The following ZNF385D variants were observed in gnomAD, a reference collection of about 807,000 sequenced individuals.
ZNF385D encodes zinc finger protein 385D.
Under a neutral mutation model 35.8 loss-of-function variants are expected in ZNF385D, and 15 were observed. The ratio of observed to expected loss-of-function variants is 0.42; its 90% confidence interval spans 0.28 to 0.64. The LOEUF (loss-of-function observed/expected upper bound fraction) is 0.64. Among genes scored for constraint, ZNF385D ranks in the 30% least tolerant of loss-of-function variants. The pLI, the probability that ZNF385D is intolerant of heterozygous loss-of-function variation, is 0.23. For missense variants in ZNF385D, 474 were observed against 494.6 expected, an observed-to-expected ratio of 0.96 and a Z score of 0.39; for synonymous variants, 212 against 186.8, an observed-to-expected ratio of 1.13 and a Z score of -1.10.
At chr3:21,985,006 A>G (rs1303364200) in intron 3 of ZNF385D, among the ~76,000 whole-genome samples, 1 of 151,314 alleles carries the variant, frequency 6.6e-6, no homozygotes, top group Non-Finnish European at 1.5e-5. Context: ...TGATTTTTGT[A>G]CATTGATTTT....
intron 3 of ZNF385D, among the ~76,000 whole-genome samples, chr3:22,068,005 C>T (rs556240247): frequency 3.7e-4 from 41 of 109,584 alleles, no homozygotes; most frequent in African/African-American, 2.2e-3. Context: ...GAGCAAGACT[C>T]CACTGGAAAA....
At chr3:22,062,946 A>T (rs573234677) in intron 3 of ZNF385D, among the ~76,000 whole-genome samples, 1 of 152,150 alleles carries the variant, frequency 6.6e-6, no homozygotes, top group African/African-American at 2.4e-5. Context: ...TGATGTCTCC[A>T]CTACAACAGA....
chr3:21,775,865 A>G (rs1053273824), intron 3 of ZNF385D, among the ~76,000 whole-genome samples: 5 of 151,802 alleles, frequency 3.3e-5, no homozygotes, highest in Admixed American at 1.3e-4. Context: ...TAAAATTAAG[A>G]CATGCTCTTT....
intron 1 of ZNF385D, among the ~76,000 whole-genome samples, chr3:21,720,805 T>A (rs2068508950): frequency 6.6e-6 from 1 of 152,218 alleles, no homozygotes; most frequent in African/African-American, 2.4e-5. Context: ...GCATTTAATT[T>A]AAAGACCTTC....
intron 1 of ZNF385D, among the ~76,000 whole-genome samples, chr3:21,699,763 C>T (rs2067605837): frequency 1.4e-5 from 2 of 147,516 alleles, no homozygotes; most frequent in Non-Finnish European, 1.5e-5. Context: ...AATATGACTA[C>T]AAGAAAATTT....
At chr3:21,871,814 T>TG (rs553323850) in intron 3 of ZNF385D, among the ~76,000 whole-genome samples, 328 of 152,134 alleles carry the variant, frequency 2.2e-3, no homozygotes, top group African/African-American at 7.6e-3. Context: ...GAGACCAGCA[T>TG]GGCCAACATG....
intron 3 of ZNF385D, among the ~76,000 whole-genome samples, chr3:22,139,353 T>C (rs1704350779): frequency 6.6e-6 from 1 of 152,104 alleles, no homozygotes; most frequent in African/African-American, 2.4e-5. Context: ...TAGCAAAGAC[T>C]TGGAACCAAC....
intron 2 of ZNF385D, among the ~76,000 whole-genome samples, chr3:21,596,861 G>A (rs1240648304): frequency 1.3e-5 from 2 of 152,046 alleles, no homozygotes; most frequent in Admixed American, 1.3e-4. Context: ...GCATAGGTAA[G>A]AAATACTGTC....
At chr3:22,032,577 G>C (rs1214481286) in intron 3 of ZNF385D, among the ~76,000 whole-genome samples, 7 of 152,080 alleles carry the variant, frequency 4.6e-5, no homozygotes, top group Non-Finnish European at 8.8e-5. Context: ...TATATATATG[G>C]TCCTAAGCAG....
At position 21,412,270 on chromosome 3, in the gene ZNF385D, GATAA is replaced by G. The variant is rs1700502797; in HGVS notation, c.*8940_*8943del. On this transcript the variant is annotated 3_prime_UTR_variant, in exon 8 of 8. Coordinates refer to ENST00000281523, the MANE Select transcript of ZNF385D (RefSeq NM_024697.3). The stretch of plus-strand genomic sequence containing the variant: ...TTTCTTTAATCAGCACATTTCTTTT[GATAA>G]ATAGTCATGAGACGTGTTCTGTGAG... 6.6e-6 allele frequency: 1 copy of G among 151,948 alleles called. No individual in the cohort carries two copies. Among genetic ancestry groups the G allele is most frequent in the Non-Finnish European group, 1.5e-5 (1 of 67,936 alleles). The allele number at this position is 151,948 out of a possible 1,614,324, so 9.4% of individuals were successfully genotyped here.
chr3:21,429,299 G>A (rs1231122523), intron 5 of ZNF385D, among the ~76,000 whole-genome samples: 1 of 151,912 alleles, frequency 6.6e-6, no homozygotes, highest in African/African-American at 2.4e-5. Flanking sequence ...TATTCTATTT[G>A]TACATGTGCA....
chr3:22,325,303 A>G (rs954795876), intron 2 of ZNF385D, among the ~76,000 whole-genome samples: 1 of 152,206 alleles, frequency 6.6e-6, no homozygotes, highest in African/African-American at 2.4e-5. Context: ...ATTGGGGAAC[A>G]CTGAATGCTT....
chr3:21,683,519 A>AGT (rs1055418158), intron 1 of ZNF385D, among the ~76,000 whole-genome samples: 1 of 149,346 alleles, frequency 6.7e-6, no homozygotes, highest in African/African-American at 2.5e-5. Flanking sequence ...TCGAAGGCTG[A>AGT]GGGAAGAGAA....
intron 3 of ZNF385D, among the ~76,000 whole-genome samples, chr3:21,870,099 C>T (rs1448030085): frequency 6.6e-6 from 1 of 151,826 alleles, no homozygotes; most frequent in Non-Finnish European, 1.5e-5. Context: ...CTAATATATA[C>T]ACTAAAAATG....
At chr3:21,895,439 G>A (rs1295444696) in intron 3 of ZNF385D, among the ~76,000 whole-genome samples, 2 of 145,532 alleles carry the variant, frequency 1.4e-5, no homozygotes, top group African/African-American at 2.5e-5. Flanking sequence ...TGATTCTCCT[G>A]CCTCAGCCTC....
At chr3:22,129,984 C>T (rs539805015) in intron 3 of ZNF385D, among the ~76,000 whole-genome samples, 1 of 152,224 alleles carries the variant, frequency 6.6e-6, no homozygotes, top group East Asian at 1.9e-4. Flanking sequence ...TGCTGCCTGG[C>T]TACTGCTGAT....
At position 21,541,971 on chromosome 3, in the gene ZNF385D, G is replaced by C. The variant is rs566520979; in HGVS notation, c.276+22603C>G. Among the ~76,000 whole-genome samples the C allele has an allele frequency of 3.3e-5, 5 of 152,274 alleles. No homozygotes were observed. In the South Asian group the frequency reaches 8.3e-4, roughly 25 times the overall value. On this transcript the variant is annotated intron_variant, in intron 3 of 7. Coordinates refer to ENST00000281523, the MANE Select transcript of ZNF385D (RefSeq NM_024697.3). ...TTTTCATCAAGGATTTTATTCCATAGCTAATAAAGATTTCATCAGCGCTGG... is the reference window on the plus strand; with the variant it reads ...TTTTCATCAAGGATTTTATTCCATACCTAATAAAGATTTCATCAGCGCTGG...
At chr3:22,032,990 T>C (rs1698091499) in intron 3 of ZNF385D, among the ~76,000 whole-genome samples, 2 of 152,270 alleles carry the variant, frequency 1.3e-5, no homozygotes, top group East Asian at 1.9e-4. Context: ...TATAAAACTC[T>C]TGCTCTTAGA....
In ZNF385D at chr3:22,118,517, A is replaced by G. The variant is rs190392498; in HGVS notation, c.325+50300T>C. On this transcript the variant is annotated intron_variant, in intron 3 of 5. Coordinates refer to the ZNF385D transcript ENST00000494108. The stretch of plus-strand genomic sequence containing the variant: ...CATCTCCAAAGGGTGTTGCCTAGAT[A>G]AGACATTTTAAAATGATTGCCCACA... Among the ~76,000 whole-genome samples, 32 of 152,200 alleles carry G rather than the reference A, an allele frequency of 2.1e-4. No homozygotes were observed. The East Asian group carries it at 3.5e-3, about 17-fold the overall frequency.
Sources: allele counts gnomAD v4.1 joint callset (sites outside exome capture counted in the v4.1 genomes callset), GRCh38; gene constraint gnomAD v4.1.1; transcripts MANE v1.5; gene names NCBI Gene and HGNC (gene_info 2026-07-23, HGNC 2026-07-21).